TPP2: variants seen among roughly 807,000 people sequenced by gnomAD.
TPP2 encodes tripeptidyl-peptidase 2.
TPP2 carries 34 observed loss-of-function variants against 155.9 expected under a neutral mutation model. The ratio of observed to expected loss-of-function variants is 0.22; its 90% CI spans 0.17 to 0.29. The LOEUF is 0.29. Ranked by LOEUF, TPP2 falls within the 10% of genes least tolerant of loss-of-function variation. TPP2 has a pLI of 1.00. For synonymous variants in TPP2, 510 were observed against 529.4 expected (o/e 0.96, Z 0.50); for missense variants, 1,028 against 1,522.3 (o/e 0.68, Z 5.40).
At chr13:102,673,275 T>C (rs1372492076) in intron 27 of TPP2, among the ~76,000 whole-genome samples, 1 of 152,186 alleles carries the variant, frequency 6.6e-6, no homozygotes, top group Non-Finnish European at 1.5e-5. Context: ...TCCTTGTTGA[T>C]GGTACAGTCC....
chr13:102,628,007 T>TCAC lies in TPP2; in HGVS notation c.1016+84_1016+86dup, dbSNP rs1014020186. 8.1e-6 allele frequency: 9 copies of TCAC among 1,110,146 alleles called. No homozygotes were observed. The African/African-American group carries it at 1.3e-4, about 16-fold the overall frequency. The allele number at this position is 1,110,146 out of a possible 1,614,324, so 68.8% of individuals were successfully genotyped here. On this transcript the variant is annotated intron_variant, in intron 8 of 29. Coordinates refer to ENST00000376052, the MANE Select transcript of TPP2 (RefSeq NM_001330588.2). ...ATGTTTTTCATAAGTGGATTGAGTG[T>TCAC]CACGGTGGAAGAAAGAACAGTTGCA...
chr13:102,639,036 C>T (rs569193128), intron 15 of TPP2, among the ~76,000 whole-genome samples: 2 of 152,326 alleles, frequency 1.3e-5, no homozygotes, highest in East Asian at 3.9e-4. Flanking sequence ...CCTGTCTCTT[C>T]AGTTAATGAC....
At position 102,605,866 on chromosome 13, in the gene TPP2, G is replaced by A. The variant is rs192513821; in HGVS notation, c.294+945G>A. ...AGCCTCCCAATTAGCTGGGATTACA[G>A]GTGCCCGCCACCACGTCCAGCTAAT... On this transcript the variant is annotated intron_variant, in intron 2 of 29. Transcript: ENST00000376052. 1.1e-4 allele frequency among the ~76,000 whole-genome samples: 17 copies of A among 152,156 alleles called. No homozygotes were observed. In the East Asian group the frequency reaches 2.9e-3, roughly 26 times the overall value.
intron 18 of TPP2, 90 bp from the exon 19 acceptor site, chr13:102,644,818 TA>T: frequency 6.7e-7 from 1 of 1,487,552 alleles, no homozygotes; most frequent in Non-Finnish European, 9.2e-7. Flanking sequence ...TGGGTACTTA[TA>T]AACTTTATAT....
intron 4 of TPP2, among the ~76,000 whole-genome samples, chr13:102,616,740 A>T (rs778361011): frequency 4.4e-4 from 67 of 152,342 alleles, no homozygotes; most frequent in Admixed American, 1.0e-3. Context: ...GTGTTTGGTT[A>T]TGAATTCTCC....
At chr13:102,670,055 T>A (rs1001428392) in intron 27 of TPP2, among the ~76,000 whole-genome samples, 1 of 152,148 alleles carries the variant, frequency 6.6e-6, no homozygotes, top group Non-Finnish European at 1.5e-5. Context: ...TCAGCTTTCT[T>A]GAGTGTTAGT....
intron 1 of TPP2, among the ~76,000 whole-genome samples, chr13:102,603,269 T>G (rs1233040381): frequency 6.6e-6 from 1 of 152,208 alleles, no homozygotes; most frequent in Non-Finnish European, 1.5e-5. Context: ...AAAGTAGACA[T>G]GGCTCTTGCC....
intron 8 of TPP2, among the ~76,000 whole-genome samples, chr13:102,629,208 C>T (rs189557371): frequency 1.3e-5 from 2 of 152,224 alleles, no homozygotes; most frequent in African/African-American, 2.4e-5. Context: ...ACCTATTGCC[C>T]GAGTCACTAC....
At chr13:102,675,925 A>G (rs1885256996) in intron 28 of TPP2, among the ~76,000 whole-genome samples, 1 of 152,116 alleles carries the variant, frequency 6.6e-6, no homozygotes. Flanking sequence ...ATATAATCTA[A>G]TACTTGTTTT....
At chr13:102,625,275 T>C (rs6491701) in intron 6 of TPP2, among the ~76,000 whole-genome samples, 73,074 of 148,264 alleles carry the variant, frequency 0.49, 18,341 homozygotes, top group African/African-American at 0.6. Context: ...TGCCATTCTC[T>C]TGCCTCAGCC....
chr13:102,627,813 T>A, intron 7 of TPP2, 35 bp from the exon 8 acceptor site: 1 of 1,504,434 alleles, frequency 6.6e-7, no homozygotes, highest in Non-Finnish European at 9.2e-7. Flanking sequence ...TTCTGTAAAT[T>A]GCTGCCTAAA....
chr13:102,597,250 G>T (rs890557901), intron 1 of TPP2, 47 bp downstream of exon 1: 2 of 1,126,706 alleles, frequency 1.8e-6, no homozygotes, highest in African/African-American at 3.3e-5. Context: ...GGGCGGCCGG[G>T]GACGCGGGTG....
intron 1 of TPP2, among the ~76,000 whole-genome samples, chr13:102,600,227 A>G (rs1471026618): frequency 6.6e-6 from 1 of 151,902 alleles, no homozygotes; most frequent in Non-Finnish European, 1.5e-5. Context: ...ACTCACCTAG[A>G]TGTTTCAGGT....
intron 28 of TPP2, among the ~76,000 whole-genome samples, chr13:102,675,528 A>G (rs927282226): frequency 6.6e-6 from 1 of 152,230 alleles, no homozygotes; most frequent in Non-Finnish European, 1.5e-5. Flanking sequence ...GCAAACAATT[A>G]TTGAAGGCCT....
At position 102,618,794 on chromosome 13, in the gene TPP2, G is replaced by A. The variant is rs1409635749; in HGVS notation, c.568G>A (p.Asp190Asn). ...LLNSFEKKYS[D>N]PGPVYDCLVW... ...AAATTCTTTTGAGAAGAAATACAGC[G>A]ATCCTGGCCCTGTATATGACTGCTT... The change falls in exon 5 of 30, where the codon GAT (aspartate) becomes AAT (asparagine). Residue 190 changes from aspartate (D) to asparagine (N), a missense_variant. By Grantham distance (23) the Asp-to-Asn change is conservative. Coordinates refer to ENST00000376052, the MANE Select transcript of TPP2 (RefSeq NM_001330588.2). The A allele has an allele frequency of 1.1e-5, 18 of 1,613,812 alleles. No homozygotes were observed. Among genetic ancestry groups the A allele is most frequent in the Non-Finnish European group, 1.5e-5 (18 of 1,179,890 alleles).
chr13:102,607,824 C>G, intron 2 of TPP2: 1 of 258,422 alleles, frequency 3.9e-6, no homozygotes, highest in Non-Finnish European at 8.3e-6. Flanking sequence ...CTCCTGACCT[C>G]AAGTGATCCA....
chr13:102,614,305 A>G, intron 3 of TPP2, 109 bp downstream of exon 3: 1 of 979,432 alleles, frequency 1.0e-6, no homozygotes, highest in Non-Finnish European at 1.5e-6. Context: ...TCATTAACTT[A>G]GTTTTTTGGG....
rs1436538025 is a variant in TPP2 at position 102,618,820 on chromosome 13, G to C, written c.594G>C (p.Leu198Phe). The C allele has an allele frequency of 1.9e-6, 3 of 1,610,718 alleles. No homozygotes were observed. The highest frequency in any genetic ancestry group is 2.5e-6 in the Non-Finnish European group (3 of 1,178,916). ...YSDPGPVYDC[L>F]VWHDGEVWRA... ...ATCCTGGCCCTGTATATGACTGCTT[G>C]GTATGGCATGATGGCGAAGTCTGGA... The change falls in exon 5 of 30, where the codon TTG becomes TTC. Residue 198 changes from leucine (L) to phenylalanine (F), a missense_variant. Leu to Phe is a conservative substitution (Grantham distance 22). Transcript: ENST00000376052.
At chr13:102,672,083 A>T (rs977710972) in intron 27 of TPP2, among the ~76,000 whole-genome samples, 1 of 152,064 alleles carries the variant, frequency 6.6e-6, no homozygotes, top group African/African-American at 2.4e-5. Context: ...CGTTCCTCTC[A>T]TGGGGCACCA....
Sources: gnomAD v4.1 joint callset for allele counts (sites outside exome capture counted in the v4.1 genomes callset) on GRCh38, gnomAD v4.1.1 for gene constraint, MANE v1.5 for transcripts, NCBI Gene and HGNC (gene_info 2026-07-23, HGNC 2026-07-21) for gene names.